The following FBXO3 variants were observed in gnomAD, a reference collection of about 807,000 sequenced individuals.
FBXO3 encodes the protein F-box protein 3, also known as F-box only protein 3.
Under a neutral mutation model 64.8 loss-of-function variants are expected in FBXO3, and 17 were observed. The ratio of observed to expected loss-of-function variants is 0.26; its 90% CI spans 0.18 to 0.39. The LOEUF is 0.39. Among genes scored for constraint, FBXO3 ranks in the 10% least tolerant of loss-of-function variants. FBXO3 has a pLI of 1.00. For missense variants in FBXO3, 420 were observed against 589.9 expected, an observed-to-expected ratio of 0.71 and a Z score of 2.98; for synonymous variants, 182 against 201.6, an observed-to-expected ratio of 0.90 and a Z score of 0.82.
rs918191028 is a variant in FBXO3 at position 33,746,595 on chromosome 11, T to C, written c.1239+535A>G. On this transcript the variant is annotated intron_variant, in intron 10 of 10. Coordinates refer to ENST00000265651, the MANE Select transcript of FBXO3 (RefSeq NM_012175.4). ...TTGTATAACTGGAGCTTCATAACTT[T>C]CTTTAATCATGTTATAGTCTCTAAG... 3 of 691,722 alleles carry C rather than the reference T, an allele frequency of 4.3e-6. No individual in the cohort carries two copies. In the African/African-American group the frequency reaches 5.4e-5, roughly 12 times the overall value. The allele number at this position is 691,722 out of a possible 1,614,324, so 42.8% of individuals were successfully genotyped here.
chr11:33,753,825 T>C (rs1180431141), intron 6 of FBXO3: 2 of 152,148 alleles, frequency 1.3e-5, no homozygotes, highest in African/African-American at 4.8e-5. Context: ...AAAAGCAAAA[T>C]GGACAGTCTG....
chr11:33,768,676 A>T (rs1206433150), intron 3 of FBXO3, 175 bp downstream of exon 3: 4 of 643,434 alleles, frequency 6.2e-6, no homozygotes, highest in Non-Finnish European at 1.1e-5. Context: ...ATGAGAAAAA[A>T]CAGGGTAAGC....
rs1372059541 is a variant in FBXO3, at chr11:33,743,970, CAATA to C, written c.1240-1890_1240-1887del. 1.3e-5 allele frequency: 2 copies of C among 152,024 alleles called. No homozygotes were observed. The highest frequency in any genetic ancestry group is 2.9e-5 in the Non-Finnish European group (2 of 68,022). The allele number at this position is 152,024 out of a possible 1,614,324, so 9.4% of individuals were successfully genotyped here. A position where few individuals can be genotyped will look rare whatever the true frequency, so the allele number is the denominator to read the frequency against. ...TGATTATATTGTTAATCACAGTGCT[CAATA>C]AATAGTTGTTGTACAAGCAAATGAA... On this transcript the variant is annotated intron_variant, in intron 10 of 10. Transcript: ENST00000265651. This position sits in a 1 kb window ranked among gnomAD's most constrained non-coding sequence, Gnocchi z 4.6.
At chr11:33,768,778 C>T (rs766267700) in intron 3 of FBXO3, 73 bp downstream of exon 3, 1 of 1,551,348 alleles carries the variant, frequency 6.4e-7, no homozygotes, top group Non-Finnish European at 8.9e-7. Flanking sequence ...GACAGAGATT[C>T]AAAGTTGTTT....
intron 6 of FBXO3, 88 bp from the exon 7 acceptor site, chr11:33,751,695 T>C (rs1465013418): frequency 1.5e-6 from 1 of 663,610 alleles, no homozygotes; most frequent in Non-Finnish European, 2.5e-6. Context: ...CTCTATGCTT[T>C]AGAATGTGAT....
At chr11:33,767,918 C>T (rs1286265250) in intron 3 of FBXO3, among the ~76,000 whole-genome samples, 1 of 152,190 alleles carries the variant, frequency 6.6e-6, no homozygotes, top group East Asian at 1.9e-4. Flanking sequence ...ACTCTTTCTG[C>T]CAAATCATTC....
At chr11:33,763,061 T>C (rs1733838452) in intron 3 of FBXO3, 1 of 174,540 alleles carries the variant, frequency 5.7e-6, no homozygotes, top group South Asian at 1.3e-4. Flanking sequence ...GACATAAGAA[T>C]AAATAGAAAA....
chr11:33,756,923 G>A, intron 4 of FBXO3: 1 of 487,288 alleles, frequency 2.1e-6, no homozygotes, highest in Non-Finnish European at 4.0e-6. Context: ...GAGACAGGCA[G>A]GATCTTGCTA....
At chr11:33,770,670 T>A in intron 2 of FBXO3, 71 bp downstream of exon 2, 10 of 1,134,244 alleles carry the variant, frequency 8.8e-6, no homozygotes, top group Non-Finnish European at 1.3e-5. Context: ...GAGAGGAGAA[T>A]CAGGACAAAC....
At chr11:33,746,107 C>CAATAA in intron 10 of FBXO3, 1 of 152,258 alleles carries the variant, frequency 6.6e-6, no homozygotes, top group South Asian at 2.1e-4. Context: ...AAATTAAATT[C>CAATAA]AAATTTCAAA....
intron 8 of FBXO3, among the ~76,000 whole-genome samples, chr11:33,749,332 C>G (rs1032044327): frequency 1.3e-5 from 2 of 150,784 alleles, no homozygotes; most frequent in Non-Finnish European, 2.9e-5. Flanking sequence ...CAGTTTAAGA[C>G]AAGATGTCAC....
At chr11:33,754,430 GA>G (rs767533207) in intron 6 of FBXO3, 24 bp downstream of exon 6, 21 of 1,557,754 alleles carry the variant, frequency 1.3e-5, no homozygotes, top group Non-Finnish European at 1.7e-5. Flanking sequence ...GAAGAAGGGG[GA>G]AAAAAGACTT....
intron 2 of FBXO3, 102 bp downstream of exon 2, chr11:33,770,639 G>C (rs1855489229): frequency 2.4e-6 from 2 of 826,012 alleles, no homozygotes; most frequent in Admixed American, 4.0e-5. Flanking sequence ...GCCACCAAAG[G>C]AGATAAAGAG....
intron 8 of FBXO3, among the ~76,000 whole-genome samples, chr11:33,749,360 CT>C (rs35452082): frequency 0.027 from 3,671 of 136,962 alleles, 52 homozygotes; most frequent in Non-Finnish European, 0.04. Context: ...TGGGATTACA[CT>C]TTTTTTTTTT....
At chr11:33,751,906 G>A (rs1854970065) in intron 6 of FBXO3, among the ~76,000 whole-genome samples, 1 of 151,890 alleles carries the variant, frequency 6.6e-6, no homozygotes, top group East Asian at 1.9e-4. Flanking sequence ...ATTCATTGTG[G>A]TACAAGAATG....
At chr11:33,746,664 G>T in intron 10 of FBXO3, 1 of 1,103,458 alleles carries the variant, frequency 9.1e-7, no homozygotes, top group South Asian at 1.4e-5. Context: ...CCCTAAAAAC[G>T]AGATTTTAAA....
chr11:33,751,230 T>A (rs548079099), intron 7 of FBXO3, among the ~76,000 whole-genome samples: 1 of 152,326 alleles, frequency 6.6e-6, no homozygotes, highest in South Asian at 2.1e-4. Context: ...AAATAACTTT[T>A]TGGTGTTTTT....
chr11:33,747,385 G>T, intron 9 of FBXO3, 65 bp from the exon 10 acceptor site: 1 of 1,303,018 alleles, frequency 7.7e-7, no homozygotes, highest in Non-Finnish European at 1.1e-6. Context: ...AATAAATAAG[G>T]TATGGTCTCC....
chr11:33,763,626 C>G (rs1191451001), intron 3 of FBXO3, among the ~76,000 whole-genome samples: 1 of 103,022 alleles, frequency 9.7e-6, no homozygotes, highest in East Asian at 3.1e-4. Context: ...AGAATATCTA[C>G]AAAAAAAAAA....
Sources: gnomAD v4.1 joint callset for allele counts (sites outside exome capture counted in the v4.1 genomes callset) on GRCh38, gnomAD v4.1.1 for gene constraint, Gnocchi (gnomAD v3.1) non-coding constraint, MANE v1.5 for transcripts, NCBI Gene and HGNC (gene_info 2026-07-23, HGNC 2026-07-21) for gene names.